KCNT1: variants seen among roughly 807,000 people sequenced by gnomAD.
KCNT1 encodes the protein potassium sodium-activated channel subfamily T member 1.
In KCNT1, 78 loss-of-function variants were observed where a neutral mutation model predicts 147.8. That is an observed-to-expected ratio of 0.53 (90% CI 0.44 to 0.64). KCNT1 has a LOEUF of 0.64. Ranked by LOEUF, KCNT1 falls within the 30% of genes least tolerant of loss-of-function variation. KCNT1 has a pLI of 0.00. For missense variants in KCNT1, 1,419 were observed against 1,750.3 expected (o/e 0.81, Z 3.38); for synonymous variants, 867 against 748.8 (o/e 1.16, Z -2.58).
intron 2 of KCNT1, among the ~76,000 whole-genome samples, chr9:135,715,633 A>C (rs1835693949): frequency 6.6e-6 from 1 of 151,904 alleles, no homozygotes. Flanking sequence ...GTTAGCACAC[A>C]AAGTACACGA....
intron 2 of KCNT1, among the ~76,000 whole-genome samples, chr9:135,745,726 A>G (rs1300279992): frequency 6.6e-6 from 1 of 152,202 alleles, no homozygotes; most frequent in Non-Finnish European, 1.5e-5. Flanking sequence ...TTCCCCAGGG[A>G]GGAGGCCCAG....
intron 1 of KCNT1, among the ~76,000 whole-genome samples, chr9:135,702,584 G>A (rs1216729278): frequency 6.6e-6 from 1 of 152,138 alleles, no homozygotes; most frequent in Non-Finnish European, 1.5e-5. Context: ...AGCAGCGTCC[G>A]TCCCCATCTG....
Position 135,768,689 on chromosome 9 carries a change from G to A in KCNT1, c.1401+16G>A. The A allele has an allele frequency of 6.5e-7, 1 of 1,549,394 alleles. No individual in the cohort carries two copies. The highest frequency in any genetic ancestry group is 8.7e-7 in the Non-Finnish European group (1 of 1,146,220). ...CACGGCTGCAGTGAGTGAGGCTGAG[G>A]CCCTGCCCAGGCGGGAGGGGCACCG... On this transcript the variant is annotated intron_variant, in intron 14 of 30. Coordinates refer to ENST00000371757, the MANE Select transcript of KCNT1 (RefSeq NM_020822.3).
rs116838012 is a variant in KCNT1, at chr9:135,728,740, G to A, written c.254+14020G>A. Among the ~76,000 whole-genome samples, 652 of 152,322 alleles carry A rather than the reference G, an allele frequency of 4.3e-3. 1 individual carries two copies. Among genetic ancestry groups the A allele is most frequent in the African/African-American group, 0.014 (564 of 41,576 alleles). ...GGAGAGACATCTCCCCAGCGGCCCC[G>A]GCATGTGCTCAGCAGCTGGTGAGCT... On this transcript the variant is annotated intron_variant, in intron 2 of 30. Transcript: ENST00000371757.
In KCNT1 at chr9:135,784,540, C is replaced by A; in HGVS notation, c.2949C>A (p.Phe983Leu). 2.3e-6 allele frequency: 3 copies of A among 1,312,256 alleles called. No individual in the cohort carries two copies. Among genetic ancestry groups the A allele is most frequent in the East Asian group, 7.5e-5 (2 of 26,664 alleles). 81.3% of individuals were successfully genotyped at this position (1,312,256 alleles called of 1,614,324 possible). Residue 983 changes from phenylalanine to leucine, a missense_variant, in exon 26 of 31, where the codon TTC becomes TTA. By Grantham distance (22) the Phe-to-Leu change is conservative. Coordinates refer to ENST00000371757, the MANE Select transcript of KCNT1 (RefSeq NM_020822.3). Reference sequence around the variant, plus strand: ...CTCCCTCCCTCCCTGGCCAGTCCTTCGTGAAGGACTACATGATCACCATCA... The same window carrying A: ...CTCCCTCCCTCCCTGGCCAGTCCTTAGTGAAGGACTACATGATCACCATCA... ...SMLDTLLYQSFVKDYMITITR... is the reference protein window; with the variant it reads ...SMLDTLLYQSLVKDYMITITR...
intron 29 of KCNT1, among the ~76,000 whole-genome samples, chr9:135,787,754 A>C (rs530419160): frequency 6.6e-6 from 1 of 152,096 alleles, no homozygotes. Flanking sequence ...CCATCCCCAC[A>C]GTGTCCCTGT....
At chr9:135,742,810 C>T (rs1468699102) in intron 2 of KCNT1, 1 of 717,186 alleles carries the variant, frequency 1.4e-6, no homozygotes, top group African/African-American at 1.7e-5. Context: ...TCCTCCCTGT[C>T]TCAGTAAGTG....
In KCNT1 at chr9:135,768,949, G is replaced by T. The variant is rs747539236; in HGVS notation, c.1510+12G>T. 2 of 1,597,706 alleles carry T rather than the reference G, an allele frequency of 1.3e-6. No homozygotes were observed. The highest frequency in any genetic ancestry group is 8.6e-7 in the Non-Finnish European group (1 of 1,169,000). ...CGTCAAGTTTGCTGGTGCGTCTGGG[G>T]CACACGTGGGTGATGGTGTATCTGG... On this transcript the variant is annotated intron_variant, in intron 15 of 30. Transcript: ENST00000371757.
rs182682556 is a variant in KCNT1, at chr9:135,708,081, G to C, written c.110+5713G>C. ...CTGCCATGGTCAGCAGAGAGGTTCT[G>C]CAGCTTTGCACTTGCTGGACACTAA... On this transcript the variant is annotated intron_variant, in intron 1 of 30. Transcript: ENST00000371757. Among the ~76,000 whole-genome samples, 5 of 152,328 alleles carry C rather than the reference G, an allele frequency of 3.3e-5. No individual in the cohort carries two copies. In the East Asian group the frequency reaches 9.7e-4, roughly 29 times the overall value.
chr9:135,769,182 C>T (rs1270757399), intron 15 of KCNT1, among the ~76,000 whole-genome samples: 8 of 140,350 alleles, frequency 5.7e-5, no homozygotes, highest in Non-Finnish European at 7.7e-5. Flanking sequence ...GGGCAGGGCG[C>T]GTGTGCACAC....
At chr9:135,738,902 G>GCTTTT (rs1477365508) in intron 2 of KCNT1, among the ~76,000 whole-genome samples, 2 of 152,290 alleles carry the variant, frequency 1.3e-5, no homozygotes, top group East Asian at 3.9e-4. Flanking sequence ...GGTGGGGTCA[G>GCTTTT]GAGACCATCA....
At position 135,768,945 on chromosome 9, in the gene KCNT1, T is replaced by C. The variant is rs372077648; in HGVS notation, c.1510+8T>C. The C allele has an allele frequency of 5.0e-6, 8 of 1,604,876 alleles. No individual in the cohort carries two copies. Among genetic ancestry groups the C allele is most frequent in the Non-Finnish European group, 5.1e-6 (6 of 1,174,474 alleles). On this transcript the variant is annotated splice_region_variant and intron_variant, in intron 15 of 30. Transcript: ENST00000371757. ...TTCACGTCAAGTTTGCTGGTGCGTC[T>C]GGGGCACACGTGGGTGATGGTGTAT...
intron 24 of KCNT1, among the ~76,000 whole-genome samples, chr9:135,782,072 G>A (rs555896692): frequency 5.3e-5 from 8 of 152,250 alleles, no homozygotes; most frequent in South Asian, 2.1e-4. Flanking sequence ...TTAGCCGGGC[G>A]TGGTGGCTGT....
chr9:135,713,807 T>C (rs890766570), intron 1 of KCNT1, among the ~76,000 whole-genome samples: 2 of 152,198 alleles, frequency 1.3e-5, no homozygotes, highest in Admixed American at 1.3e-4. Context: ...GCAAGACCCC[T>C]GGAAGACACC....
intron 17 of KCNT1, 53 bp downstream of exon 17, chr9:135,770,500 T>TGCCCTCCCC: frequency 6.4e-7 from 1 of 1,554,452 alleles, no homozygotes; most frequent in Non-Finnish European, 8.7e-7. Flanking sequence ...CTCTGCTCTG[T>TGCCCTCCCC]GCCCTCCCCA....
At chr9:135,762,224 G>A (rs890499812) in intron 11 of KCNT1, among the ~76,000 whole-genome samples, 3 of 152,158 alleles carry the variant, frequency 2.0e-5, no homozygotes, top group African/African-American at 4.8e-5. Context: ...CGGGAGGATC[G>A]CTTGAGCCCA....
Position 135,714,277 on chromosome 9 carries a change from T to C in KCNT1, c.111-300T>C, listed in dbSNP as rs1429005003. Reference sequence around the variant, plus strand: ...GGGAGGAGTGGTGCGCGCCTGTCCCTGAGCTGGCCATGACAGCTCCCGTCC... The same window carrying C: ...GGGAGGAGTGGTGCGCGCCTGTCCCCGAGCTGGCCATGACAGCTCCCGTCC... On this transcript the variant is annotated intron_variant, in intron 1 of 30. Transcript: ENST00000371757. This position sits in a 1 kb window ranked among gnomAD's most constrained non-coding sequence, Gnocchi z 6.2. 1.3e-5 allele frequency among the ~76,000 whole-genome samples: 2 copies of C among 151,632 alleles called. No homozygotes were observed. Among genetic ancestry groups the C allele is most frequent in the East Asian group, 1.9e-4 (1 of 5,140 alleles).
intron 6 of KCNT1, 106 bp downstream of exon 6, chr9:135,755,275 G>A: frequency 2.3e-6 from 2 of 866,996 alleles, no homozygotes; most frequent in Admixed American, 2.8e-5. Context: ...TGAGCACTGA[G>A]GACATACCCA....
chr9:135,716,670 G>A (rs1835732345), intron 2 of KCNT1, among the ~76,000 whole-genome samples: 1 of 152,146 alleles, frequency 6.6e-6, no homozygotes, highest in Non-Finnish European at 1.5e-5. Flanking sequence ...GTGCCCACTG[G>A]GCACATGGGT....
Sources: allele counts gnomAD v4.1 joint callset (sites outside exome capture counted in the v4.1 genomes callset), GRCh38; gene constraint gnomAD v4.1.1; non-coding constraint Gnocchi (gnomAD v3.1); transcripts MANE v1.5; gene names NCBI Gene and HGNC (gene_info 2026-07-23, HGNC 2026-07-21).